The following CIMAP1B variants were observed in gnomAD, a reference collection of about 807,000 sequenced individuals.
CIMAP1B encodes the protein ciliary microtubule associated protein 1B, also known as orf2 5' to PD-ECGF/TP.
the CIMAP1B span, chr22:50,532,223 T>G: frequency 8.9e-7 from 1 of 1,124,896 alleles, no homozygotes. Flanking sequence ...ACCGTATCCC[T>G]GGCGCCAGCA....
At chr22:50,532,038 G>A in the CIMAP1B span, 3 of 1,346,284 alleles carry the variant, frequency 2.2e-6, no homozygotes, top group South Asian at 3.7e-5. Flanking sequence ...CCGCGGGGCC[G>A]GTGTGGCCGC....
At chr22:50,531,546 G>T in the CIMAP1B span, 8 of 1,421,112 alleles carry the variant, frequency 5.6e-6, no homozygotes, top group Non-Finnish European at 7.3e-6. Flanking sequence ...GCGTTGGGGT[G>T]GCCAGGGGCC....
At chr22:50,530,472 C>T in the CIMAP1B span, 10 of 1,591,020 alleles carry the variant, frequency 6.3e-6, no homozygotes, top group Middle Eastern at 1.7e-4. Flanking sequence ...CCGCTCCCGC[C>T]TGGCGGGTCA....
the CIMAP1B span, chr22:50,531,208 G>T: frequency 7.9e-5 from 127 of 1,612,492 alleles, no homozygotes; most frequent in Non-Finnish European, 9.7e-5. Flanking sequence ...CTGCTGTTCC[G>T]CCTGGACACC....
the CIMAP1B span, chr22:50,531,355 G>C: frequency 6.6e-6 from 9 of 1,358,244 alleles, no homozygotes; most frequent in Non-Finnish European, 8.2e-6. Flanking sequence ...GTGGGTACCC[G>C]AGATGGGGTC....
the CIMAP1B span, chr22:50,531,159 C>T: frequency 3.1e-6 from 5 of 1,600,668 alleles, no homozygotes; most frequent in African/African-American, 1.3e-5. Context: ...TGGGAAGGCC[C>T]ACAGTTCTGG....
the CIMAP1B span, chr22:50,530,446 G>A: frequency 6.4e-7 from 1 of 1,561,572 alleles, no homozygotes; most frequent in Admixed American, 1.9e-5. Context: ...CAGACTTTAA[G>A]CAAACACGTG....
chr22:50,530,456 G>T, the CIMAP1B span: 35 of 1,576,174 alleles, frequency 2.2e-5, no homozygotes, highest in Middle Eastern at 6.6e-4. Context: ...GCAAACACGT[G>T]TGGGGCCGCT....
the CIMAP1B span, chr22:50,531,042 C>A: frequency 2.5e-6 from 4 of 1,609,144 alleles, no homozygotes; most frequent in Non-Finnish European, 8.5e-7. Flanking sequence ...GCGAGGGCAC[C>A]GTATAGGCCG....
At chr22:50,532,064 G>A in the CIMAP1B span, 12 of 1,361,348 alleles carry the variant, frequency 8.8e-6, no homozygotes, top group Non-Finnish European at 1.0e-5. Flanking sequence ...GCCCACCCAG[G>A]CGTCCGAGCC....
At chr22:50,530,447 C>G in the CIMAP1B span, 1 of 1,564,710 alleles carries the variant, frequency 6.4e-7, no homozygotes, top group African/African-American at 1.3e-5. Context: ...AGACTTTAAG[C>G]AAACACGTGT....
At chr22:50,532,073 C>G in the CIMAP1B span, 1 of 1,368,404 alleles carries the variant, frequency 7.3e-7, no homozygotes, top group Non-Finnish European at 9.5e-7. Context: ...GGCGTCCGAG[C>G]CCATAGCGCG....
chr22:50,531,865 C>A, the CIMAP1B span: 2 of 1,327,058 alleles, frequency 1.5e-6, no homozygotes, highest in Non-Finnish European at 1.9e-6. Flanking sequence ...CCTCTCCCCT[C>A]TAGCAGGCAC....
At chr22:50,532,301 C>G in the CIMAP1B span, 5 of 528,832 alleles carry the variant, frequency 9.5e-6, no homozygotes, top group Non-Finnish European at 8.7e-6. Flanking sequence ...GGGCCATCAC[C>G]CGGACTCCAG....
chr22:50,532,061 C>T, the CIMAP1B span: 233 of 1,350,146 alleles, frequency 1.7e-4, no homozygotes, highest in Middle Eastern at 2.5e-4. Context: ...AAGGCCCACC[C>T]AGGCGTCCGA....
At chr22:50,531,517 C>T in the CIMAP1B span, 35 of 1,385,864 alleles carry the variant, frequency 2.5e-5, no homozygotes, top group Non-Finnish European at 3.2e-5. Context: ...CCCAGGTGGG[C>T]CTCCCTGGAG....
the CIMAP1B span, chr22:50,531,632 G>A: frequency 2.9e-6 from 4 of 1,386,926 alleles, no homozygotes; most frequent in Non-Finnish European, 2.8e-6. Flanking sequence ...GTAGGCGGGG[G>A]CGCCGTCGGT....
chr22:50,532,358 A>T, the CIMAP1B span: 1 of 339,162 alleles, frequency 2.9e-6, no homozygotes, highest in Non-Finnish European at 5.3e-6. Context: ...GTCTAGACCC[A>T]GACTTGGTGA....
At chr22:50,531,323 G>A in the CIMAP1B span, 2 of 1,549,504 alleles carry the variant, frequency 1.3e-6, no homozygotes, top group Non-Finnish European at 1.8e-6. Context: ...GGTGTGGGGG[G>A]CTAGAACTGC....
Sources: gnomAD v4.1 joint callset for allele counts on GRCh38, gnomAD v4.1.1 for gene constraint, MANE v1.5 for transcripts, NCBI Gene and HGNC (gene_info 2026-07-23, HGNC 2026-07-21) for gene names.